The following ARHGAP39 variants were observed in gnomAD, a reference collection of about 807,000 sequenced individuals.
The protein encoded by ARHGAP39 is rho GTPase-activating protein 39.
Under a neutral mutation model 106.9 loss-of-function variants are expected in ARHGAP39, and 44 were observed. The observed-to-expected ratio is 0.41, with a 90% confidence interval of 0.32 to 0.53. The LOEUF (loss-of-function observed/expected upper bound fraction) is 0.53, where lower values mean the gene tolerates loss of function less well. Among genes scored for constraint, ARHGAP39 ranks in the 20% least tolerant of loss-of-function variants. The probability of loss-of-function intolerance (pLI) is 0.21; values close to 1 mark genes in which losing one functional copy is unlikely to be tolerated. For missense variants in ARHGAP39, 1,496 were observed against 1,577.3 expected, an observed-to-expected ratio of 0.95 and a Z score of 0.87; for synonymous variants, 768 against 693.2, an observed-to-expected ratio of 1.11 and a Z score of -1.69.
chr8:144,673,583 C>G (rs1173911389), intron 1 of ARHGAP39, among the ~76,000 whole-genome samples: 1 of 152,346 alleles, frequency 6.6e-6, no homozygotes, highest in Non-Finnish European at 1.5e-5. Flanking sequence ...CTTTCTATCT[C>G]TACAGATTCA....
intron 2 of ARHGAP39, among the ~76,000 whole-genome samples, chr8:144,594,164 G>A (rs1026497735): frequency 6.7e-6 from 1 of 149,894 alleles, no homozygotes; most frequent in Non-Finnish European, 1.5e-5. Flanking sequence ...CATCTCCAAA[G>A]AAGATATGCA....
intron 1 of ARHGAP39, among the ~76,000 whole-genome samples, chr8:144,677,559 C>G (rs1822275509): frequency 1.3e-5 from 2 of 152,150 alleles, no homozygotes; most frequent in Non-Finnish European, 2.9e-5. Flanking sequence ...CACAGCACCT[C>G]CATACAGCCA....
chr8:144,638,280 C>T (rs1821225904), intron 1 of ARHGAP39, among the ~76,000 whole-genome samples: 1 of 152,212 alleles, frequency 6.6e-6, no homozygotes, highest in South Asian at 2.1e-4. Context: ...CTTTTAAAAT[C>T]TTCTCTTGGT....
At chr8:144,621,285 C>T (rs777450700) in intron 1 of ARHGAP39, among the ~76,000 whole-genome samples, 60 of 152,286 alleles carry the variant, frequency 3.9e-4, no homozygotes, top group Admixed American at 6.5e-4. Context: ...GGGCTCTGGG[C>T]TCTAGAACAG....
At chr8:144,694,386 C>T in the ARHGAP39 span, among the ~76,000 whole-genome samples, 1 of 152,200 alleles carries the variant, frequency 6.6e-6, no homozygotes, top group Non-Finnish European at 1.5e-5. Flanking sequence ...TCCCTGGGCC[C>T]TAGCCTATGC....
intron 3 of ARHGAP39, among the ~76,000 whole-genome samples, chr8:144,561,795 C>G (rs575179287): frequency 2.0e-5 from 3 of 149,260 alleles, no homozygotes; most frequent in Non-Finnish European, 4.4e-5. Context: ...TGGTTTCCAT[C>G]GGACCCCAGT....
intron 2 of ARHGAP39, among the ~76,000 whole-genome samples, chr8:144,596,706 C>T (rs1819634545): frequency 1.3e-5 from 2 of 152,312 alleles, no homozygotes; most frequent in South Asian, 2.1e-4. Flanking sequence ...GTGCTGCAGG[C>T]CCCGGGTGGC....
chr8:144,547,298 G>A lies in ARHGAP39; in HGVS notation c.1788C>T (p.Pro596=), dbSNP rs1159900182. The A allele has an allele frequency of 4.3e-6, 7 of 1,611,606 alleles. No homozygotes were observed. In the South Asian group the frequency reaches 5.5e-5, roughly 13 times the overall value. Residue 596 remains proline (P), a synonymous_variant, in exon 5 of 12, where the codon CCC becomes CCT. Transcript: ENST00000377307. This position sits in a 1 kb window ranked among gnomAD's most constrained non-coding sequence, Gnocchi z 5.2. The stretch of plus-strand genomic sequence containing the variant: ...CGCTGAAGGCCCGCACCACCGGCCC[G>A]GGCATGGGCAGTGGCAGGGCGCCGT... ...ESDGALPLPM[P]GPVVRAFSED...
intron 1 of ARHGAP39, among the ~76,000 whole-genome samples, chr8:144,630,137 C>T (rs982219598): frequency 6.6e-5 from 10 of 152,202 alleles, no homozygotes; most frequent in Admixed American, 3.9e-4. Context: ...GAACAGGAAC[C>T]GGCAGGCCTG....
At chr8:144,611,150 C>A (rs1406220753) in intron 1 of ARHGAP39, among the ~76,000 whole-genome samples, 1 of 152,230 alleles carries the variant, frequency 6.6e-6, no homozygotes, top group Non-Finnish European at 1.5e-5. Flanking sequence ...CTTTTGATTT[C>A]TTCTTTGACT....
At chr8:144,698,857 C>G in the ARHGAP39 span, 6,142 of 455,964 alleles carry the variant, frequency 0.013, 70 homozygotes, top group Non-Finnish European at 0.02. Context: ...GACTCAGAAG[C>G]CTTCTTGCAA....
chr8:144,661,701 G>A (rs988949417), intron 1 of ARHGAP39, among the ~76,000 whole-genome samples: 3 of 152,050 alleles, frequency 2.0e-5, no homozygotes, highest in Non-Finnish European at 2.9e-5. Context: ...TGAACGAGAC[G>A]GGGTTTGCTG....
At chr8:144,661,585 T>C (rs1236410852) in intron 1 of ARHGAP39, among the ~76,000 whole-genome samples, 1 of 152,114 alleles carries the variant, frequency 6.6e-6, no homozygotes, top group East Asian at 1.9e-4. Context: ...CCTGAGGCCA[T>C]CTGGCCACCA....
At chr8:144,539,680 C>T (rs1385447044) in intron 6 of ARHGAP39, among the ~76,000 whole-genome samples, 1 of 152,256 alleles carries the variant, frequency 6.6e-6, no homozygotes, top group East Asian at 1.9e-4. Flanking sequence ...CTTTTCTTCA[C>T]TAAGTTGCCT....
intron 2 of ARHGAP39, among the ~76,000 whole-genome samples, chr8:144,594,420 C>T (rs1288144380): frequency 6.6e-6 from 1 of 152,142 alleles, no homozygotes; most frequent in Admixed American, 6.5e-5. Flanking sequence ...ACCGGCCAGG[C>T]GCAGTGGCTC....
At chr8:144,613,324 A>C (rs1440078035) in intron 1 of ARHGAP39, among the ~76,000 whole-genome samples, 1 of 152,222 alleles carries the variant, frequency 6.6e-6, no homozygotes, top group Non-Finnish European at 1.5e-5. Flanking sequence ...TTCTGTATAG[A>C]TCCAGACTTC....
chr8:144,589,669 C>T (rs1262068070), intron 2 of ARHGAP39, among the ~76,000 whole-genome samples: 1 of 152,262 alleles, frequency 6.6e-6, no homozygotes, highest in Non-Finnish European at 1.5e-5. Flanking sequence ...CCCACATGTG[C>T]TGGCAAACGC....
At chr8:144,691,913 G>A in the ARHGAP39 span, among the ~76,000 whole-genome samples, 1 of 152,054 alleles carries the variant, frequency 6.6e-6, no homozygotes, top group African/African-American at 2.4e-5. Context: ...CAGGGGCCTA[G>A]TTTATCCTGT....
In ARHGAP39 at chr8:144,644,575, G is replaced by A. The variant is rs1251131896; in HGVS notation, c.-81-38880C>T. ...ATAATTGAAACACTGCCAAATGCAC[G>A]CCGGCTCGTGGCGGCACCCCTTCCG... On this transcript the variant is annotated intron_variant, in intron 1 of 11. Transcript: ENST00000377307. This position sits in a 1 kb window ranked among gnomAD's most constrained non-coding sequence, Gnocchi z 4.8. 1.3e-5 allele frequency among the ~76,000 whole-genome samples: 2 copies of A among 152,170 alleles called. No homozygotes were observed. Among genetic ancestry groups the A allele is most frequent in the African/African-American group, 2.4e-5 (1 of 41,434 alleles).
Sources: allele counts gnomAD v4.1 joint callset (sites outside exome capture counted in the v4.1 genomes callset), GRCh38; gene constraint gnomAD v4.1.1; non-coding constraint Gnocchi (gnomAD v3.1); transcripts MANE v1.5; gene names NCBI Gene and HGNC (gene_info 2026-07-23, HGNC 2026-07-21).